The following MTR variants were observed in gnomAD, a reference collection of about 807,000 sequenced individuals.
The protein encoded by MTR is methionine synthase.
A neutral mutation model predicts 154.8 loss-of-function variants in MTR; 84 were observed. The ratio of observed to expected loss-of-function variants is 0.54; its 90% CI spans 0.45 to 0.65. The LOEUF (loss-of-function observed/expected upper bound fraction) is 0.65, where lower values mean the gene tolerates loss of function less well. Among genes scored for constraint, MTR ranks in the 30% least tolerant of loss-of-function variants. The pLI, the probability that MTR is intolerant of heterozygous loss-of-function variation, is 0.00. For synonymous variants in MTR, 554 were observed against 553.9 expected (o/e 1.00, Z 0.00); for missense variants, 1,275 against 1,570.2 (o/e 0.81, Z 3.18).
rs1287612531 is a variant in MTR at position 236,820,456 on chromosome 1, A to G, written c.765-3663A>G. 6 of 1,402,698 alleles carry G rather than the reference A, an allele frequency of 4.3e-6. No individual in the cohort carries two copies. The African/African-American group carries it at 8.7e-5, about 20-fold the overall frequency. The allele number at this position is 1,402,698 out of a possible 1,614,324, so 86.9% of individuals were successfully genotyped here. A position where few individuals can be genotyped will look rare whatever the true frequency, so the allele number is the denominator to read the frequency against. ...TGGAGCACTCAGCCTGCCACGGAAGACTGGTCTGCAGCTCCCACTGCTCAG... is the reference window on the plus strand; with the variant it reads ...TGGAGCACTCAGCCTGCCACGGAAGGCTGGTCTGCAGCTCCCACTGCTCAG... On this transcript the variant is annotated intron_variant, in intron 8 of 32. Transcript: ENST00000366577.
At chr1:236,882,392 T>G (rs1329037152) in intron 25 of MTR, among the ~76,000 whole-genome samples, 1 of 14,520 alleles carries the variant, frequency 6.9e-5, no homozygotes, top group Non-Finnish European at 1.1e-4. Context: ...CCCTTCACCA[T>G]TTTTTTTTTT....
intron 25 of MTR, among the ~76,000 whole-genome samples, chr1:236,882,896 T>C (rs572954201): frequency 2.0e-5 from 3 of 152,356 alleles, no homozygotes; most frequent in African/African-American, 7.2e-5. Context: ...TAACTGCTGG[T>C]GACACTTCAG....
In MTR at chr1:236,863,534, C is replaced by A. The variant is rs1326173566; in HGVS notation, c.2385C>A (p.Val795=). 6.2e-7 allele frequency: 1 copy of A among 1,614,000 alleles called. No individual in the cohort carries two copies. Among genetic ancestry groups the A allele is most frequent in the Non-Finnish European group, 8.5e-7 (1 of 1,179,944 alleles). ...HDIGKNIVGV[V]LGCNNFRVID... is the part of the protein sequence containing the mutation. ...TAGGCAAGAACATAGTTGGAGTAGT[C>A]CTTGGCTGCAATAATTTCCGGTAAG... Residue 795 remains valine (V), a synonymous_variant, in exon 22 of 33, where the codon GTC becomes GTA. Transcript: ENST00000366577.
At chr1:236,892,861 C>G (rs1392441760) in intron 29 of MTR, among the ~76,000 whole-genome samples, 1 of 152,160 alleles carries the variant, frequency 6.6e-6, no homozygotes, top group Non-Finnish European at 1.5e-5. Context: ...CTTTCAGTAC[C>G]ATTCATGTCC....
At chr1:236,816,859 GA>G (rs1467274222) in intron 8 of MTR, among the ~76,000 whole-genome samples, 1 of 152,162 alleles carries the variant, frequency 6.6e-6, no homozygotes, top group African/African-American at 2.4e-5. Context: ...GAGGCAACCA[GA>G]AGCAATCTGT....
intron 12 of MTR, among the ~76,000 whole-genome samples, chr1:236,830,593 T>A (rs1387530957): frequency 6.6e-6 from 1 of 152,238 alleles, no homozygotes; most frequent in African/African-American, 2.4e-5. Flanking sequence ...GTGATCTTTG[T>A]ATCAAGTACT....
intron 31 of MTR, 65 bp from the exon 32 acceptor site, chr1:236,896,941 G>A: frequency 8.4e-7 from 1 of 1,194,372 alleles, no homozygotes. Context: ...TTGAGTGCCT[G>A]CTAGCTGCAG....
chr1:236,891,054 T>G (rs1666287481), intron 28 of MTR, 79 bp from the exon 29 acceptor site: 1 of 1,469,908 alleles, frequency 6.8e-7, no homozygotes, highest in Non-Finnish European at 9.5e-7. Flanking sequence ...TGAGGAGGGG[T>G]AATGGCTTTT....
Position 236,862,254 on chromosome 1 carries a change from G to T in MTR, c.2215G>T (p.Val739Phe). The T allele has an allele frequency of 6.2e-7, 1 of 1,613,974 alleles. No individual in the cohort carries two copies. The highest frequency in any genetic ancestry group is 8.5e-7 in the Non-Finnish European group (1 of 1,179,854). ...FLPQVIKSAR[V>F]MKKAVGHLIP... ...TTCTCAGGTTATAAAGTCAGCCCGGGTTATGAAGAAGGCTGTTGGCCACCT... is the reference window on the plus strand; with the variant it reads ...TTCTCAGGTTATAAAGTCAGCCCGGTTTATGAAGAAGGCTGTTGGCCACCT... The change falls in exon 21 of 33, where the codon GTT becomes TTT. Residue 739 changes from valine (V) to phenylalanine (F), a missense_variant. Val to Phe is a conservative substitution (Grantham distance 50). Coordinates refer to ENST00000366577, the MANE Select transcript of MTR (RefSeq NM_000254.3).
intron 19 of MTR, 34 bp from the exon 20 acceptor site, chr1:236,861,091 C>CTTTTTTTTTT: frequency 7.1e-7 from 1 of 1,415,826 alleles, no homozygotes; most frequent in Non-Finnish European, 9.4e-7. Flanking sequence ...TTCTTTCTTT[C>CTTTTTTTTTT]TTTTTCTTTT....
chr1:236,864,156 G>A (rs3768137), intron 22 of MTR, among the ~76,000 whole-genome samples: 6,339 of 152,264 alleles, frequency 0.042, 407 homozygotes, highest in East Asian at 0.2. Context: ...TAGTAAGTAT[G>A]TGTTTCGCTT....
chr1:236,796,043 A>G (rs1040809577), intron 1 of MTR, among the ~76,000 whole-genome samples: 19 of 151,938 alleles, frequency 1.3e-4, no homozygotes, highest in African/African-American at 2.7e-4. Flanking sequence ...CACGCAGCAT[A>G]AACCAGCTGG....
intron 4 of MTR, 83 bp from the exon 5 acceptor site, chr1:236,810,420 A>G: frequency 1.7e-6 from 2 of 1,153,922 alleles, no homozygotes; most frequent in Non-Finnish European, 2.6e-6. Context: ...TGTGTTCCAG[A>G]AAAAAATCTT....
At chr1:236,814,807 T>A (rs1661494193) in intron 6 of MTR, among the ~76,000 whole-genome samples, 1 of 152,182 alleles carries the variant, frequency 6.6e-6, no homozygotes. Context: ...ATGTTTGTTT[T>A]CCGTAAGATC....
chr1:236,884,486 A>G (rs2147916350), intron 25 of MTR, among the ~76,000 whole-genome samples: 2 of 152,252 alleles, frequency 1.3e-5, no homozygotes, highest in Middle Eastern at 6.8e-3. Flanking sequence ...TTGTGAAAGG[A>G]TATAGGTTAA....
At chr1:236,825,430 A>G (rs749447066) in intron 10 of MTR, 31 bp downstream of exon 10, 1 of 1,554,156 alleles carries the variant, frequency 6.4e-7, no homozygotes, top group South Asian at 1.1e-5. Flanking sequence ...TGGCTTTTTA[A>G]GAGAGACAGA....
At chr1:236,844,469 TGTGTGTGTGTGTGTGTGTGTGTGTG>T (rs1663452598) in intron 15 of MTR, among the ~76,000 whole-genome samples, 2 of 61,052 alleles carry the variant, frequency 3.3e-5, no homozygotes, top group Admixed American at 3.8e-4. Context: ...TGTGTGTGTG[TGTGTGTGTGTGTGTGTGTGTGTGTG>T]TGTGTGTGTA....
rs1300281672 is a variant in MTR at position 236,795,635 on chromosome 1, G to C, written c.-69G>C. 1 of 1,608,570 alleles carries C rather than the reference G, an allele frequency of 6.2e-7. No individual in the cohort carries two copies. The highest frequency in any genetic ancestry group is 1.3e-5 in the African/African-American group (1 of 74,894). On this transcript the variant is annotated 5_prime_UTR_variant, in exon 1 of 33. Coordinates refer to ENST00000366577, the MANE Select transcript of MTR (RefSeq NM_000254.3). Reference sequence around the variant, plus strand: ...CCTGGCGCTGGCTGGCGTGGCCCTTGGCCGTCGTCACCTGTGGAGAGCACG... The same window carrying C: ...CCTGGCGCTGGCTGGCGTGGCCCTTCGCCGTCGTCACCTGTGGAGAGCACG...
intron 1 of MTR, among the ~76,000 whole-genome samples, chr1:236,802,683 A>G (rs1660760961): frequency 6.6e-6 from 1 of 152,176 alleles, no homozygotes; most frequent in Non-Finnish European, 1.5e-5. Flanking sequence ...GGTGCTAAAA[A>G]AAAAAGTAGA....
Sources: gnomAD v4.1 joint callset for allele counts (sites outside exome capture counted in the v4.1 genomes callset) on GRCh38, gnomAD v4.1.1 for gene constraint, MANE v1.5 for transcripts, NCBI Gene and HGNC (gene_info 2026-07-23, HGNC 2026-07-21) for gene names.